FBXL4: variants seen among roughly 807,000 people sequenced by gnomAD.
The protein encoded by FBXL4 is F-box/LRR-repeat protein 4.
A neutral mutation model predicts 58.9 loss-of-function variants in FBXL4; 40 were observed. That is an observed-to-expected ratio of 0.68 (90% confidence interval 0.53 to 0.88). The LOEUF (loss-of-function observed/expected upper bound fraction) is 0.88. FBXL4 is among the 40% of genes least tolerant of loss of function. The probability of loss-of-function intolerance (pLI) is 0.00; values close to 1 mark genes in which losing one functional copy is unlikely to be tolerated. For synonymous variants in FBXL4, 263 were observed against 265.5 expected, an observed-to-expected ratio of 0.99 and a Z score of 0.09; for missense variants, 676 against 734.4, an observed-to-expected ratio of 0.92 and a Z score of 0.92.
intron 4 of FBXL4, among the ~76,000 whole-genome samples, chr6:98,922,079 C>T (rs539904553): frequency 6.6e-6 from 1 of 152,336 alleles, no homozygotes; most frequent in East Asian, 1.9e-4. Flanking sequence ...AGGTGCCCGC[C>T]ACCACGCCTG....
chr6:98,928,520 G>C (rs532570704), intron 2 of FBXL4, among the ~76,000 whole-genome samples: 2 of 152,164 alleles, frequency 1.3e-5, no homozygotes, highest in African/African-American at 4.8e-5. Context: ...AGTAGAAACA[G>C]GGTTTCACCA....
intron 7 of FBXL4, among the ~76,000 whole-genome samples, chr6:98,894,696 T>C (rs987787157): frequency 2.6e-5 from 4 of 152,252 alleles, no homozygotes; most frequent in Non-Finnish European, 5.9e-5. Flanking sequence ...ATGTATTTAA[T>C]GCTCTGAGTC....
At chr6:98,945,140 G>C (rs967896846) in intron 1 of FBXL4, among the ~76,000 whole-genome samples, 1 of 152,140 alleles carries the variant, frequency 6.6e-6, no homozygotes, top group African/African-American at 2.4e-5. Flanking sequence ...TGTAGCCTCT[G>C]ACCTAGCAAT....
At chr6:98,880,208 A>C (rs1203106765) in intron 8 of FBXL4, among the ~76,000 whole-genome samples, 1 of 152,174 alleles carries the variant, frequency 6.6e-6, no homozygotes, top group African/African-American at 2.4e-5. Flanking sequence ...TTAGTGAAAA[A>C]CTTACTGAAC....
intron 6 of FBXL4, among the ~76,000 whole-genome samples, chr6:98,902,509 T>C (rs1003728731): frequency 2.0e-5 from 3 of 152,108 alleles, no homozygotes; most frequent in Non-Finnish European, 2.9e-5. Flanking sequence ...AAGCTCTTTA[T>C]ACCATAAAAC....
chr6:98,930,352 C>T (rs901715599), intron 2 of FBXL4, among the ~76,000 whole-genome samples: 3 of 152,166 alleles, frequency 2.0e-5, no homozygotes, highest in Admixed American at 1.3e-4. Flanking sequence ...CCCGCCGGGG[C>T]GGAAGTTGCA....
At chr6:98,908,790 T>G (rs1771916020) in intron 5 of FBXL4, among the ~76,000 whole-genome samples, 1 of 152,156 alleles carries the variant, frequency 6.6e-6, no homozygotes, top group South Asian at 2.1e-4. Context: ...CATTTCCCAC[T>G]ATCCTCTTGA....
chr6:98,910,786 G>C (rs553913375), intron 5 of FBXL4, among the ~76,000 whole-genome samples: 30 of 152,342 alleles, frequency 2.0e-4, no homozygotes, highest in Non-Finnish European at 4.1e-4. Flanking sequence ...TCCATCTGAG[G>C]TACCGGGTTC....
At chr6:98,901,844 C>T (rs898157683) in intron 6 of FBXL4, among the ~76,000 whole-genome samples, 1 of 152,092 alleles carries the variant, frequency 6.6e-6, no homozygotes, top group African/African-American at 2.4e-5. Flanking sequence ...GAAAGGAGAA[C>T]TCAGCTTGTT....
intron 6 of FBXL4, among the ~76,000 whole-genome samples, chr6:98,903,996 A>G (rs1273792153): frequency 6.6e-6 from 1 of 152,200 alleles, no homozygotes; most frequent in East Asian, 1.9e-4. Flanking sequence ...CAAACGTTTA[A>G]TAAATTCTTA....
intron 8 of FBXL4, among the ~76,000 whole-genome samples, chr6:98,877,959 C>A (rs111413271): frequency 6.6e-6 from 1 of 152,122 alleles, no homozygotes; most frequent in Non-Finnish European, 1.5e-5. Flanking sequence ...CTAGAATATT[C>A]AGGTTTATTA....
chr6:98,897,310 C>T (rs895109023), intron 7 of FBXL4: 92 of 985,090 alleles, frequency 9.3e-5, no homozygotes, highest in Non-Finnish European at 1.0e-4. Flanking sequence ...ATTTTATACC[C>T]ACACAAATGG....
intron 5 of FBXL4, among the ~76,000 whole-genome samples, chr6:98,911,146 A>G (rs1325817710): frequency 6.6e-6 from 1 of 152,224 alleles, no homozygotes; most frequent in African/African-American, 2.4e-5. Context: ...GCCATTGCCC[A>G]GGCTCACTTA....
chr6:98,897,464 G>T, intron 7 of FBXL4: 1 of 526,014 alleles, frequency 1.9e-6, no homozygotes, highest in Non-Finnish European at 2.4e-6. Context: ...TTGCTGGCAG[G>T]GCTAGAACTA....
At chr6:98,933,075 T>A (rs1011129623) in intron 2 of FBXL4, among the ~76,000 whole-genome samples, 1 of 152,202 alleles carries the variant, frequency 6.6e-6, no homozygotes, top group Non-Finnish European at 1.5e-5. Context: ...GAGGAAGGAC[T>A]TTTCTGGTTG....
chr6:98,887,154 T>A (rs1326992818), intron 7 of FBXL4, among the ~76,000 whole-genome samples: 3 of 152,234 alleles, frequency 2.0e-5, no homozygotes, highest in African/African-American at 4.8e-5. Flanking sequence ...TGGTCCCAGC[T>A]ACTTGGGAGG....
At chr6:98,892,125 AGTTTT>A (rs913861438) in intron 7 of FBXL4, among the ~76,000 whole-genome samples, 5 of 152,216 alleles carry the variant, frequency 3.3e-5, no homozygotes, top group African/African-American at 1.2e-4. Flanking sequence ...AAAGTTTGTT[AGTTTT>A]ATCTGTGATA....
At chr6:98,934,325 G>A (rs1221127397) in intron 2 of FBXL4, among the ~76,000 whole-genome samples, 7 of 152,174 alleles carry the variant, frequency 4.6e-5, no homozygotes, top group African/African-American at 1.7e-4. Flanking sequence ...CTTGAACCCG[G>A]GAGGCGGAGG....
At chr6:98,891,216 G>A (rs1426748083) in intron 7 of FBXL4, among the ~76,000 whole-genome samples, 2 of 152,096 alleles carry the variant, frequency 1.3e-5, no homozygotes, top group African/African-American at 4.8e-5. Context: ...AAAAAGAAAA[G>A]GCTAAATATC....
Sources: allele counts gnomAD v4.1 joint callset (sites outside exome capture counted in the v4.1 genomes callset), GRCh38; gene constraint gnomAD v4.1.1; transcripts MANE v1.5; gene names NCBI Gene and HGNC (gene_info 2026-07-23, HGNC 2026-07-21).